The following GPM6B variants were observed in gnomAD, a reference collection of about 807,000 sequenced individuals.
The protein encoded by GPM6B is neuronal membrane glycoprotein M6-b.
In GPM6B, 4 loss-of-function variants were observed where a neutral mutation model predicts 27.2. The observed-to-expected ratio is 0.15, with a 90% CI of 0.07 to 0.34. The LOEUF is 0.34. Among genes scored for constraint, GPM6B ranks in the 10% least tolerant of loss-of-function variants. The pLI is 1.00. For synonymous variants in GPM6B, 124 were observed against 103.1 expected (o/e 1.20, Z -1.23); for missense variants, 183 against 261.9 (o/e 0.70, Z 2.08).
intron 1 of GPM6B, among the ~76,000 whole-genome samples, chrX:13,845,088 C>A (rs988868717): frequency 5.0e-4 from 54 of 107,487 alleles, no homozygotes; most frequent in African/African-American, 1.8e-3. Context: ...CTCCTGGGTT[C>A]AAGCGATTCC....
At chrX:13,925,784 G>T (rs925154351) in intron 1 of GPM6B, among the ~76,000 whole-genome samples, 4 of 111,103 alleles carry the variant, frequency 3.6e-5, no homozygotes, top group Non-Finnish European at 7.5e-5. Context: ...GCCAGGCGCC[G>T]TGGCTCACAC....
At chrX:13,899,492 G>T (rs2050264031) in intron 1 of GPM6B, among the ~76,000 whole-genome samples, 1 of 107,751 alleles carries the variant, frequency 9.3e-6, no homozygotes, top group Non-Finnish European at 1.9e-5. Context: ...GTTGTGGGGT[G>T]ATAAAAAATT....
chrX:13,931,338 AT>A (rs1484492295), intron 1 of GPM6B, among the ~76,000 whole-genome samples: 2 of 109,836 alleles, frequency 1.8e-5, no homozygotes, highest in African/African-American at 6.6e-5. Flanking sequence ...AATACAAAAA[AT>A]TAGCCGGGCA....
At chrX:13,849,105 G>A (rs755580566) in intron 1 of GPM6B, among the ~76,000 whole-genome samples, 1 of 111,748 alleles carries the variant, frequency 8.9e-6, no homozygotes, top group Non-Finnish European at 1.9e-5. Context: ...ACTGAGTGAT[G>A]GAAATACTCT....
At chrX:13,836,954 C>T (rs1569246777) in intron 1 of GPM6B, among the ~76,000 whole-genome samples, 1 of 112,424 alleles carries the variant, frequency 8.9e-6, no homozygotes, top group Non-Finnish European at 1.9e-5. Flanking sequence ...CCACTCAGAG[C>T]AAGAAGGAAA....
chrX:13,866,340 G>A (rs1266889531), intron 1 of GPM6B, among the ~76,000 whole-genome samples: 1 of 112,398 alleles, frequency 8.9e-6, no homozygotes, highest in African/African-American at 3.2e-5. Flanking sequence ...TCCAGTCTGG[G>A]CAACAAGAGT....
intron 2 of GPM6B, among the ~76,000 whole-genome samples, chrX:13,799,997 T>C (rs1266368310): frequency 8.9e-6 from 1 of 111,918 alleles, no homozygotes; most frequent in Non-Finnish European, 1.9e-5. Flanking sequence ...AGTAGCTTAC[T>C]TCTTAGGACT....
intron 1 of GPM6B, among the ~76,000 whole-genome samples, chrX:13,826,464 G>A (rs1487847176): frequency 2.7e-5 from 3 of 111,433 alleles, no homozygotes; most frequent in Non-Finnish European, 5.6e-5. Flanking sequence ...CCAGCACTTT[G>A]GGAGGTCAAG....
intron 5 of GPM6B, 151 bp downstream of exon 5, chrX:13,779,667 C>T: frequency 2.2e-6 from 1 of 463,329 alleles, no homozygotes; most frequent in Non-Finnish European, 3.4e-6. Flanking sequence ...CAGAAAATAG[C>T]ATATTGAAGG....
At chrX:13,786,419 T>C (rs532040242) in intron 2 of GPM6B, among the ~76,000 whole-genome samples, 15 of 112,059 alleles carry the variant, frequency 1.3e-4, no homozygotes, top group African/African-American at 4.5e-4. Context: ...TTTTGGTCCA[T>C]AATTCAGTGA....
At chrX:13,851,637 G>GA (rs10668416) in intron 1 of GPM6B, among the ~76,000 whole-genome samples, 10,303 of 101,114 alleles carry the variant, frequency 0.1, 836 homozygotes, top group East Asian at 0.53. Context: ...GGCATGCAAT[G>GA]AAAAAAAAAA....
At chrX:13,773,952 CCTT>C (rs1224260438) in intron 7 of GPM6B, 1 of 563,691 alleles carries the variant, frequency 1.8e-6, no homozygotes, top group East Asian at 2.0e-4. Context: ...ACATATAAAT[CCTT>C]TTTTTTTTTT....
At chrX:13,930,093 A>C (rs1178129445) in intron 1 of GPM6B, among the ~76,000 whole-genome samples, 1 of 111,902 alleles carries the variant, frequency 8.9e-6, no homozygotes, top group Non-Finnish European at 1.9e-5. Context: ...AGGTTTAAAT[A>C]CTTTTTCTTT....
At chrX:13,828,525 T>C (rs2049402826) in intron 1 of GPM6B, among the ~76,000 whole-genome samples, 1 of 111,807 alleles carries the variant, frequency 8.9e-6, no homozygotes, top group African/African-American at 3.3e-5. Context: ...CAATTTCAGG[T>C]ATCTTGTTAT....
chrX:13,923,239 A>G (rs1276000782), intron 1 of GPM6B, among the ~76,000 whole-genome samples: 1 of 111,018 alleles, frequency 9.0e-6, no homozygotes, highest in Non-Finnish European at 1.9e-5. Flanking sequence ...ACTGCTGCCC[A>G]GGGACAGCAG....
At chrX:13,808,291 A>G (rs974172440) in intron 1 of GPM6B, among the ~76,000 whole-genome samples, 1 of 112,172 alleles carries the variant, frequency 8.9e-6, no homozygotes, top group African/African-American at 3.2e-5. Context: ...CTGTCACCTT[A>G]TCTTAAACTC....
rs997815938 is a variant in GPM6B, at chrX:13,844,122, C to T, written c.-197-58314G>A. ...CTTCATTCTTTTACATGTGGATATC[C>T]AATTGTCCCAGCACCATTTATTGAA... On this transcript the variant is annotated intron_variant, in intron 1 of 6. Coordinates refer to the GPM6B transcript ENST00000398361. Among the ~76,000 whole-genome samples, 5 of 111,995 alleles carry T rather than the reference C, an allele frequency of 4.5e-5. No individual in the cohort carries two copies. In the East Asian group the frequency reaches 1.1e-3, roughly 25 times the overall value.
chrX:13,800,478 T>C lies in GPM6B; in HGVS notation c.181+7172A>G, dbSNP rs144859359. On this transcript the variant is annotated intron_variant, in intron 2 of 7. Transcript: ENST00000316715. ...TAACACACAGCCTGAGCTCTGATGT[T>C]TGCCTACAGCTTTACAATCTAATGT... 9.8e-5 allele frequency among the ~76,000 whole-genome samples: 11 copies of C among 112,744 alleles called. No individual in the cohort carries two copies. The East Asian group carries it at 3.0e-3, about 31-fold the overall frequency.
chrX:13,848,053 TTGACAGA>T (rs766577828), intron 1 of GPM6B, among the ~76,000 whole-genome samples: 2 of 112,030 alleles, frequency 1.8e-5, no homozygotes, highest in Non-Finnish European at 3.8e-5. Context: ...GCTGGCAAAG[TTGACAGA>T]TGACAGCTTG....
Sources: gnomAD v4.1 joint callset for allele counts (sites outside exome capture counted in the v4.1 genomes callset) on GRCh38, gnomAD v4.1.1 for gene constraint, MANE v1.5 for transcripts, NCBI Gene and HGNC (gene_info 2026-07-23, HGNC 2026-07-21) for gene names.